Variants in CNTN4 observed in about 807,000 individuals in gnomAD.
CNTN4 encodes contactin 4.
A neutral mutation model predicts 122.5 loss-of-function variants in CNTN4; 77 were observed. The observed-to-expected ratio is 0.63, with a 90% CI of 0.52 to 0.76. The LOEUF (loss-of-function observed/expected upper bound fraction) is 0.76, where lower values mean the gene tolerates loss of function less well. CNTN4 is among the 30% of genes least tolerant of loss of function. The pLI, the probability that CNTN4 is intolerant of heterozygous loss-of-function variation, is 0.00. For synonymous variants in CNTN4, 512 were observed against 447.0 expected (o/e 1.15, Z -1.83); for missense variants, 1,256 against 1,259.1 (o/e 1.00, Z 0.04).
At chr3:2,443,716 G>C (rs1327303275) in intron 3 of CNTN4, among the ~76,000 whole-genome samples, 4 of 152,090 alleles carry the variant, frequency 2.6e-5, no homozygotes, top group Admixed American at 6.6e-5. Context: ...TATTAGACTT[G>C]TACTCTGCCT....
intron 4 of CNTN4, among the ~76,000 whole-genome samples, chr3:2,579,718 G>T (rs1202228781): frequency 6.6e-6 from 1 of 151,956 alleles, no homozygotes; most frequent in Non-Finnish European, 1.5e-5. Context: ...TCCAAATGTG[G>T]GAACTATGTT....
At chr3:2,865,835 A>G (rs2093718042) in intron 7 of CNTN4, among the ~76,000 whole-genome samples, 1 of 152,186 alleles carries the variant, frequency 6.6e-6, no homozygotes, top group South Asian at 2.1e-4. Context: ...TAAAACATTT[A>G]CCTAATTCTT....
intron 14 of CNTN4, among the ~76,000 whole-genome samples, chr3:2,995,034 C>T (rs1695408155): frequency 1.3e-5 from 2 of 152,082 alleles, no homozygotes; most frequent in Non-Finnish European, 2.9e-5. Flanking sequence ...AATTGTGACC[C>T]TAGGCATCTA....
chr3:2,166,545 A>T (rs1252811678), intron 2 of CNTN4, among the ~76,000 whole-genome samples: 1 of 151,494 alleles, frequency 6.6e-6, no homozygotes, highest in South Asian at 2.1e-4. Flanking sequence ...TTAAATTATT[A>T]TTGATAATGT....
intron 2 of CNTN4, among the ~76,000 whole-genome samples, chr3:2,138,183 C>G (rs13096917): frequency 0.034 from 5,127 of 151,944 alleles, 112 homozygotes; most frequent in Non-Finnish European, 0.055. Flanking sequence ...TCTCCTGCCT[C>G]AGCTCCCTAG....
intron 6 of CNTN4, among the ~76,000 whole-genome samples, chr3:2,773,984 T>G (rs1576737816): frequency 6.6e-6 from 1 of 152,202 alleles, no homozygotes; most frequent in East Asian, 1.9e-4. Context: ...GGTCTCGAAC[T>G]TTGGACCTCA....
At chr3:2,912,812 A>G (rs536555814) in intron 12 of CNTN4, among the ~76,000 whole-genome samples, 20 of 152,352 alleles carry the variant, frequency 1.3e-4, no homozygotes, top group East Asian at 7.7e-4. Flanking sequence ...ATAATATACA[A>G]GAAGAGAAAT....
chr3:2,209,840 A>G (rs1240343193), intron 2 of CNTN4, among the ~76,000 whole-genome samples: 1 of 152,166 alleles, frequency 6.6e-6, no homozygotes, highest in Non-Finnish European at 1.5e-5. Context: ...TGTTCTAAAT[A>G]AAGCTATTCT....
chr3:2,591,833 T>C (rs1167823608), intron 4 of CNTN4, among the ~76,000 whole-genome samples: 1 of 152,174 alleles, frequency 6.6e-6, no homozygotes, highest in Non-Finnish European at 1.5e-5. Context: ...TGCTCTTTAT[T>C]TGAGTCGAGA....
chr3:2,547,174 A>T (rs1231042753), intron 3 of CNTN4, among the ~76,000 whole-genome samples: 1 of 152,122 alleles, frequency 6.6e-6, no homozygotes, highest in African/African-American at 2.4e-5. Context: ...AGATCTACTA[A>T]TACGAGTGTC....
intron 3 of CNTN4, among the ~76,000 whole-genome samples, chr3:2,361,370 C>G (rs1014465546): frequency 6.6e-5 from 10 of 152,170 alleles, no homozygotes; most frequent in Non-Finnish European, 8.8e-5. Flanking sequence ...GTTGTCAACA[C>G]TGGAGGATAG....
intron 12 of CNTN4, among the ~76,000 whole-genome samples, chr3:2,918,602 G>C (rs2094394667): frequency 6.6e-6 from 1 of 152,160 alleles, no homozygotes; most frequent in Non-Finnish European, 1.5e-5. Context: ...GGCCAAGGTA[G>C]GAATATTTAC....
chr3:2,974,850 A>C (rs1038869015), intron 13 of CNTN4, among the ~76,000 whole-genome samples: 11 of 152,230 alleles, frequency 7.2e-5, no homozygotes, highest in Admixed American at 2.0e-4. Context: ...AAGCAAATAA[A>C]GCATGATCCT....
intron 18 of CNTN4, 168 bp downstream of exon 18, chr3:3,037,496 C>A: frequency 1.1e-6 from 1 of 895,442 alleles, no homozygotes; most frequent in Non-Finnish European, 1.8e-6. Flanking sequence ...CCCAGCTGAA[C>A]ACGCAACGGG....
chr3:2,225,116 A>T (rs1167316705), intron 2 of CNTN4, among the ~76,000 whole-genome samples: 1 of 150,928 alleles, frequency 6.6e-6, no homozygotes, highest in African/African-American at 2.4e-5. Context: ...GCACCACTGC[A>T]CTCCAGCCTG....
At chr3:2,350,745 A>G (rs1166639612) in intron 3 of CNTN4, among the ~76,000 whole-genome samples, 1 of 152,212 alleles carries the variant, frequency 6.6e-6, no homozygotes, top group African/African-American at 2.4e-5. Context: ...CATTGAATTT[A>G]ATCAGGAACT....
intron 20 of CNTN4, 37 bp from the exon 21 acceptor site, chr3:3,042,273 C>A: frequency 7.4e-7 from 1 of 1,348,182 alleles, no homozygotes; most frequent in Non-Finnish European, 1.1e-6. Flanking sequence ...CCTAATATAG[C>A]TGATAGAGTA....
intron 23 of CNTN4, among the ~76,000 whole-genome samples, chr3:3,048,524 GTGTGTGTGTGTGTGTGTGTGTATT>G (rs1700918247): frequency 6.7e-6 from 1 of 150,320 alleles, no homozygotes; most frequent in Non-Finnish European, 1.5e-5. Flanking sequence ...CTCTGTGTGT[GTGTGTGTGTGTGTGTGTGTGTATT>G]TGTGTGTGTG....
At chr3:2,322,291 C>T (rs530249409) in intron 2 of CNTN4, among the ~76,000 whole-genome samples, 2 of 152,248 alleles carry the variant, frequency 1.3e-5, no homozygotes, top group African/African-American at 2.4e-5. Flanking sequence ...AAACAACCCA[C>T]ATGTCCATCA....
Sources: gnomAD v4.1 joint callset for allele counts (sites outside exome capture counted in the v4.1 genomes callset) on GRCh38, gnomAD v4.1.1 for gene constraint, MANE v1.5 for transcripts, NCBI Gene and HGNC (gene_info 2026-07-23, HGNC 2026-07-21) for gene names.